DGLUCY: variants seen among roughly 807,000 people sequenced by gnomAD.
The protein encoded by DGLUCY is D-glutamate cyclase, mitochondrial.
A neutral mutation model predicts 58.5 loss-of-function variants in DGLUCY; 58 were observed. The observed-to-expected ratio is 0.99, with a 90% CI of 0.80 to 1.23. DGLUCY has a LOEUF of 1.23. DGLUCY is among the 50% of genes most tolerant of loss of function. DGLUCY has a pLI of 0.00. For synonymous variants in DGLUCY, 325 were observed against 314.1 expected (o/e 1.03, Z -0.37); for missense variants, 779 against 784.7 (o/e 0.99, Z 0.09).
chr14:91,102,736 A>AGTGTGTGTGTGTGTGTGTGTGTGTGTGT (rs1288611586), intron 1 of DGLUCY, among the ~76,000 whole-genome samples: 2 of 60,736 alleles, frequency 3.3e-5, no homozygotes, highest in African/African-American at 1.0e-4. Context: ...GACCCCTTCC[A>AGTGTGTGTGTGTGTGTGTGTGTGTGTGT]GTGTGTATGT....
chr14:91,167,529 A>G (rs766431187), intron 4 of DGLUCY, 151 bp downstream of exon 4: 1 of 1,017,862 alleles, frequency 9.8e-7, no homozygotes, highest in Non-Finnish European at 1.5e-6. Flanking sequence ...CTCAGGAACG[A>G]GCTGCCCTCC....
At chr14:91,084,172 A>G (rs1156977388) in intron 1 of DGLUCY, among the ~76,000 whole-genome samples, 1 of 150,188 alleles carries the variant, frequency 6.7e-6, no homozygotes, top group Non-Finnish European at 1.5e-5. Flanking sequence ...GATTCCAAGC[A>G]TTAGCAGTTC....
intron 1 of DGLUCY, among the ~76,000 whole-genome samples, chr14:91,102,289 T>C (rs1186388462): frequency 6.6e-6 from 1 of 152,206 alleles, no homozygotes; most frequent in Admixed American, 6.5e-5. Context: ...AATGTCTTAC[T>C]CCTAAGTTCT....
Position 91,225,017 on chromosome 14 carries a change from A to G in DGLUCY, c.*184A>G. 1 of 535,010 alleles carries G rather than the reference A, an allele frequency of 1.9e-6. No individual in the cohort carries two copies. The highest frequency in any genetic ancestry group is 3.0e-6 in the Non-Finnish European group (1 of 328,766). 33.1% of individuals were successfully genotyped at this position (535,010 alleles called of 1,614,324 possible). A position where few individuals can be genotyped will look rare whatever the true frequency, so the allele number is the denominator to read the frequency against. On this transcript the variant is annotated 3_prime_UTR_variant, in exon 14 of 14. Transcript: ENST00000256324. ...AGGGGTTAGTGCAGGTGCTGTGGAC[A>G]AAGGACAACATTTCTCTGGGGCTTT...
At chr14:91,190,591 GC>G (rs1365539132) in intron 9 of DGLUCY, among the ~76,000 whole-genome samples, 4 of 152,098 alleles carry the variant, frequency 2.6e-5, no homozygotes, top group African/African-American at 9.7e-5. Context: ...GCTTGGGCTG[GC>G]TGAGGGAAGG....
At chr14:91,117,089 G>A (rs1474498346) in intron 1 of DGLUCY, among the ~76,000 whole-genome samples, 1 of 152,164 alleles carries the variant, frequency 6.6e-6, no homozygotes, top group African/African-American at 2.4e-5. Context: ...GGCAATTCCT[G>A]GAACTGAGGG....
At chr14:91,099,980 G>C (rs2044458184) in intron 1 of DGLUCY, among the ~76,000 whole-genome samples, 1 of 150,800 alleles carries the variant, frequency 6.6e-6, no homozygotes, top group Admixed American at 6.7e-5. Context: ...CTTGAACCCG[G>C]GAGGCAATAG....
At chr14:91,123,878 T>A (rs1243771098) in intron 1 of DGLUCY, among the ~76,000 whole-genome samples, 2 of 151,384 alleles carry the variant, frequency 1.3e-5, no homozygotes, top group Non-Finnish European at 1.5e-5. Context: ...GCATCCAGCC[T>A]GTTTTTTTCA....
chr14:91,060,439 T>C, exon 1 of DGLUCY: 1 of 1,462,312 alleles, frequency 6.8e-7, no homozygotes, highest in Non-Finnish European at 9.1e-7. Context: ...CTCCATCTTC[T>C]CCTTTTTTTC....
chr14:91,136,988 C>A (rs1393527524), intron 1 of DGLUCY, among the ~76,000 whole-genome samples: 1 of 151,884 alleles, frequency 6.6e-6, no homozygotes, highest in African/African-American at 2.4e-5. Context: ...AAAATGCAGA[C>A]CCCCAAGCCT....
intron 1 of DGLUCY, among the ~76,000 whole-genome samples, chr14:91,108,565 G>C (rs1016447317): frequency 6.8e-6 from 1 of 147,960 alleles, no homozygotes; most frequent in African/African-American, 2.5e-5. Flanking sequence ...GAGAGACAGA[G>C]TTTTGCTCTG....
chr14:91,183,604 G>C (rs1054172786), intron 8 of DGLUCY, among the ~76,000 whole-genome samples: 3 of 152,156 alleles, frequency 2.0e-5, no homozygotes, highest in Admixed American at 1.3e-4. Flanking sequence ...CAGGCAACAG[G>C]CTGCAAGCAT....
Position 91,079,434 on chromosome 14 carries a change from A to G in DGLUCY, c.-82+18730A>G, listed in dbSNP as rs571740752. On this transcript the variant is annotated intron_variant, in intron 1 of 4. Coordinates refer to the DGLUCY transcript ENST00000521334. ...CCGTGGTGCAGTCTCGCTCACTGCA[A>G]CCTCCGCCTCCCAGGTTCAAGCAAT... Among the ~76,000 whole-genome samples the G allele has an allele frequency of 5.8e-3, 875 of 150,266 alleles. 4 individuals carry two copies. The highest frequency in any genetic ancestry group is 0.014 in the Admixed American group (210 of 15,004).
At chr14:91,184,581 G>A (rs1021926282) in intron 8 of DGLUCY, among the ~76,000 whole-genome samples, 1 of 102,994 alleles carries the variant, frequency 9.7e-6, no homozygotes, top group Admixed American at 9.2e-5. Context: ...GAAAGTTGGG[G>A]GGGGGGAGGG....
At chr14:91,071,553 T>G (rs1298421677) in intron 1 of DGLUCY, among the ~76,000 whole-genome samples, 1 of 152,036 alleles carries the variant, frequency 6.6e-6, no homozygotes, top group Non-Finnish European at 1.5e-5. Flanking sequence ...CAAGAATAAA[T>G]AGCTGTGGAA....
chr14:91,105,922 G>A (rs1779961162), upstream of DGLUCY, among the ~76,000 whole-genome samples: 1 of 152,192 alleles, frequency 6.6e-6, no homozygotes, highest in Non-Finnish European at 1.5e-5. Flanking sequence ...CTGTGTTACA[G>A]TTGCTACTGT....
rs149643404 is a variant in DGLUCY, at chr14:91,211,705, T to G, written c.1565-3700T>G. Among the ~76,000 whole-genome samples, 561 of 152,266 alleles carry G rather than the reference T, an allele frequency of 3.7e-3. 4 individuals carry two copies. The highest frequency in any genetic ancestry group is 0.013 in the African/African-American group (527 of 41,506). Reference sequence around the variant, plus strand: ...ATAAACTCAAAATGGATTATGAACTTAAACATAAAACACAAAACTATAAAA... The same window carrying G: ...ATAAACTCAAAATGGATTATGAACTGAAACATAAAACACAAAACTATAAAA... On this transcript the variant is annotated intron_variant, in intron 12 of 13. Transcript: ENST00000256324.
At chr14:91,159,304 A>G (rs1446861814) in intron 2 of DGLUCY, among the ~76,000 whole-genome samples, 1 of 152,086 alleles carries the variant, frequency 6.6e-6, no homozygotes, top group African/African-American at 2.4e-5. Context: ...AAAACAAGCC[A>G]GGTGTCGTGG....
intron 1 of DGLUCY, among the ~76,000 whole-genome samples, chr14:91,115,750 G>A (rs553605253): frequency 1.3e-5 from 2 of 152,308 alleles, no homozygotes; most frequent in African/African-American, 4.8e-5. Context: ...TTCCAGCTGA[G>A]GGCTAGATCC....
Sources: allele counts gnomAD v4.1 joint callset (sites outside exome capture counted in the v4.1 genomes callset), GRCh38; gene constraint gnomAD v4.1.1; transcripts MANE v1.5; gene names NCBI Gene and HGNC (gene_info 2026-07-23, HGNC 2026-07-21).